The following ETS1 variants were observed in gnomAD, a reference collection of about 807,000 sequenced individuals.
ETS1 encodes the protein ETS proto-oncogene 1, transcription factor.
A neutral mutation model predicts 58.6 loss-of-function variants in ETS1; 15 were observed. The observed-to-expected ratio is 0.26, with a 90% CI of 0.17 to 0.39. The LOEUF (loss-of-function observed/expected upper bound fraction) is 0.39, where lower values mean the gene tolerates loss of function less well. Among genes scored for constraint, ETS1 ranks in the 10% least tolerant of loss-of-function variants. ETS1 has a pLI of 1.00. For missense variants in ETS1, 417 were observed against 610.5 expected, an observed-to-expected ratio of 0.68 and a Z score of 3.34; for synonymous variants, 214 against 218.2, an observed-to-expected ratio of 0.98 and a Z score of 0.17.
chr11:128,535,194 T>C (rs533263130), intron 3 of ETS1, among the ~76,000 whole-genome samples: 10 of 152,388 alleles, frequency 6.6e-5, no homozygotes, highest in South Asian at 2.1e-4. Context: ...TTGAGCTTTA[T>C]GTCATATGTT....
intron 2 of ETS1, among the ~76,000 whole-genome samples, chr11:128,559,766 C>T (rs1340406272): frequency 1.3e-5 from 2 of 152,198 alleles, no homozygotes; most frequent in Non-Finnish European, 2.9e-5. Context: ...AGAACAACAT[C>T]ACCAGTTCCA....
chr11:128,528,648 A>G (rs1010517808), intron 3 of ETS1, among the ~76,000 whole-genome samples: 1 of 152,230 alleles, frequency 6.6e-6, no homozygotes, highest in Non-Finnish European at 1.5e-5. Flanking sequence ...TAATTAATGA[A>G]CAGTTAACTT....
intron 3 of ETS1, among the ~76,000 whole-genome samples, chr11:128,538,416 C>T (rs977996271): frequency 1.4e-4 from 21 of 152,102 alleles, no homozygotes; most frequent in South Asian, 2.1e-4. Context: ...ATAGTGGCTG[C>T]TTTATGTTGC....
rs1565422016 is a variant in ETS1 at position 128,585,193 on chromosome 11, G to GAAA, written c.-15+2294_-15+2295insTTT. On this transcript the variant is annotated intron_variant, in intron 1 of 9. Coordinates refer to ENST00000392668, the MANE Select transcript of ETS1 (RefSeq NM_001143820.2). ...GAGAAAGAAAGAAAGAAAGAAGGAA[G>GAAA]GAAAGAAAGAAAGAAAGAAAGAAAG... is the stretch of plus-strand genomic sequence containing the variant. Among the ~76,000 whole-genome samples, 76 of 15,660 alleles carry GAAA rather than the reference G, an allele frequency of 4.9e-3. 4 individuals are homozygous for GAAA. The highest frequency in any genetic ancestry group is 0.01 in the African/African-American group (22 of 2,184). The allele number at this position is 15,660 out of a possible 152,430, so 10.3% of individuals were successfully genotyped here.
At chr11:128,491,437 C>T (rs562990241) in intron 3 of ETS1, among the ~76,000 whole-genome samples, 1 of 152,266 alleles carries the variant, frequency 6.6e-6, no homozygotes, top group African/African-American at 2.4e-5. Flanking sequence ...AACAGGAATT[C>T]CTGGAAGTCT....
intron 3 of ETS1, among the ~76,000 whole-genome samples, chr11:128,514,493 T>G (rs2135506124): frequency 6.6e-6 from 1 of 152,324 alleles, no homozygotes; most frequent in Middle Eastern, 3.4e-3. Flanking sequence ...AAATAATCCT[T>G]TCCCTGTTCT....
intron 1 of ETS1, among the ~76,000 whole-genome samples, chr11:128,585,124 GAAGAAAGAAAGAAAA>G (rs1864980375): frequency 1.2e-3 from 8 of 6,440 alleles, no homozygotes; most frequent in East Asian, 6.0e-3. Context: ...AGGAAAGAAA[GAAGAAAGAAAGAAAA>G]GAAAGAAAGA....
chr11:128,489,151 C>T, intron 5 of ETS1, 139 bp downstream of exon 5: 4 of 734,594 alleles, frequency 5.4e-6, no homozygotes, highest in Non-Finnish European at 4.9e-6. Flanking sequence ...GAGCAGTGTA[C>T]TAGGCACATT....
chr11:128,465,207 A>G (rs2135412187), intron 8 of ETS1, among the ~76,000 whole-genome samples: 1 of 152,262 alleles, frequency 6.6e-6, no homozygotes, highest in East Asian at 1.9e-4. Flanking sequence ...AAATAGCTCT[A>G]CCTCCTCTTT....
intron 5 of ETS1, among the ~76,000 whole-genome samples, chr11:128,488,870 G>A (rs982760029): frequency 2.6e-5 from 4 of 152,152 alleles, no homozygotes; most frequent in African/African-American, 7.2e-5. Context: ...AAGCTTTCCC[G>A]GGATGTGATG....
At chr11:128,585,217 A>G (rs12226285) in intron 1 of ETS1, among the ~76,000 whole-genome samples, 24 of 144,728 alleles carry the variant, frequency 1.7e-4, no homozygotes, top group African/African-American at 5.4e-4. Context: ...AAAGAAAGAA[A>G]GAAAGAAAGA....
In ETS1 at chr11:128,556,324, C is replaced by T; in HGVS notation, c.181G>A (p.Glu61Lys). ...CAGTGTTCAAGACCAGTAGGAACTT[C>T]CTGAGTTGCCATCTCATCCCAAAAG... is the stretch of plus-strand genomic sequence containing the variant. ...YPFWDEMATQEVPTGLEHCVS... is the reference protein window; with the variant it reads ...YPFWDEMATQKVPTGLEHCVS... The change falls in exon 3 of 10, where the codon GAA becomes AAA. Residue 61 changes from glutamate to lysine, a missense_variant. By Grantham distance (56) the Glu-to-Lys change is moderately conservative. Coordinates refer to ENST00000392668, the MANE Select transcript of ETS1 (RefSeq NM_001143820.2). 4 of 1,613,478 alleles carry T rather than the reference C, an allele frequency of 2.5e-6. No individual in the cohort carries two copies. Among genetic ancestry groups the T allele is most frequent in the Non-Finnish European group, 3.4e-6 (4 of 1,179,652 alleles).
intron 3 of ETS1, among the ~76,000 whole-genome samples, chr11:128,511,160 T>C (rs1863383670): frequency 6.6e-6 from 1 of 152,220 alleles, no homozygotes; most frequent in Admixed American, 6.5e-5. Context: ...TCCTGAAGCA[T>C]TCCTCCAGCT....
intron 1 of ETS1, among the ~76,000 whole-genome samples, chr11:128,586,770 C>T (rs1463523516): frequency 2.0e-5 from 3 of 152,140 alleles, no homozygotes; most frequent in African/African-American, 7.2e-5. Context: ...GGTGAGGAGT[C>T]ACATACAAAG....
chr11:128,520,628 T>G (rs758118697), intron 3 of ETS1, among the ~76,000 whole-genome samples: 15 of 152,216 alleles, frequency 9.9e-5, no homozygotes, highest in Non-Finnish European at 2.1e-4. Context: ...AGCTGCGCTC[T>G]CAGCATTGCT....
rs1861837082 is a variant in ETS1 at position 128,458,964 on chromosome 11, AGCT to A, written c.*3394_*3396del. 6.6e-6 allele frequency: 1 copy of A among 152,582 alleles called. No individual in the cohort carries two copies. Among genetic ancestry groups the A allele is most frequent in the African/African-American group, 2.4e-5 (1 of 41,386 alleles). The allele number at this position is 152,582 out of a possible 1,614,324, so 9.5% of individuals were successfully genotyped here. A position where few individuals can be genotyped will look rare whatever the true frequency, so the allele number is the denominator to read the frequency against. The stretch of plus-strand genomic sequence containing the variant: ...CGACACTTACATCGCTACATCTCTA[AGCT>A]ACCTCAGTTCTGATTTTTAAAAAGC... On this transcript the variant is annotated 3_prime_UTR_variant, in exon 10 of 10. Transcript: ENST00000392668. This position sits in a 1 kb window ranked among gnomAD's most constrained non-coding sequence, Gnocchi z 4.3.
intron 3 of ETS1, among the ~76,000 whole-genome samples, chr11:128,514,640 T>C (rs1053665398): frequency 1.3e-5 from 2 of 152,222 alleles, no homozygotes; most frequent in African/African-American, 4.8e-5. Context: ...CATATTTTCA[T>C]AAATGTAAAC....
intron 6 of ETS1, among the ~76,000 whole-genome samples, chr11:128,485,277 T>C (rs1170212260): frequency 1.3e-5 from 2 of 152,214 alleles, no homozygotes; most frequent in East Asian, 1.9e-4. Flanking sequence ...CCTGACTTCA[T>C]ATCCTCATCT....
chr11:128,543,923 A>G (rs556115389), intron 3 of ETS1, among the ~76,000 whole-genome samples: 1 of 152,140 alleles, frequency 6.6e-6, no homozygotes, highest in Non-Finnish European at 1.5e-5. Flanking sequence ...TCTTCAGTGG[A>G]TCTAAAAAAC....
Sources: gnomAD v4.1 joint callset for allele counts (sites outside exome capture counted in the v4.1 genomes callset) on GRCh38, gnomAD v4.1.1 for gene constraint, Gnocchi (gnomAD v3.1) non-coding constraint, MANE v1.5 for transcripts, NCBI Gene and HGNC (gene_info 2026-07-23, HGNC 2026-07-21) for gene names.